The following NEDD4L variants were observed in gnomAD, a reference collection of about 807,000 sequenced individuals.
NEDD4L encodes NEDD4 like E3 ubiquitin protein ligase, also known as E3 ubiquitin-protein ligase NEDD4-like.
Under a neutral mutation model 148.9 loss-of-function variants are expected in NEDD4L, and 54 were observed. That is an observed-to-expected ratio of 0.36 (90% CI 0.29 to 0.45). The LOEUF is 0.45. Among genes scored for constraint, NEDD4L ranks in the 20% least tolerant of loss-of-function variants. The pLI, the probability that NEDD4L is intolerant of heterozygous loss-of-function variation, is 1.00. For synonymous variants in NEDD4L, 433 were observed against 440.7 expected, an observed-to-expected ratio of 0.98 and a Z score of 0.22; for missense variants, 856 against 1,233.8, an observed-to-expected ratio of 0.69 and a Z score of 4.59.
intron 1 of NEDD4L, among the ~76,000 whole-genome samples, chr18:58,159,196 G>T (rs1373660518): frequency 6.6e-6 from 1 of 152,020 alleles, no homozygotes; most frequent in Non-Finnish European, 1.5e-5. Context: ...GGTGTGTGGG[G>T]TGGGGACGCA....
At chr18:58,095,205 G>A (rs2084312089) in intron 1 of NEDD4L, among the ~76,000 whole-genome samples, 1 of 152,326 alleles carries the variant, frequency 6.6e-6, no homozygotes, top group Middle Eastern at 3.4e-3. Flanking sequence ...TGCCTGGGCT[G>A]CTTAGTATTT....
chr18:58,234,102 T>TCTC (rs2045650253), intron 2 of NEDD4L, among the ~76,000 whole-genome samples: 3 of 76,928 alleles, frequency 3.9e-5, no homozygotes, highest in Admixed American at 1.3e-4. Context: ...TCTTTCTTTC[T>TCTC]TTTCTTTTCT....
intron 1 of NEDD4L, among the ~76,000 whole-genome samples, chr18:58,147,478 G>A (rs895965968): frequency 6.6e-6 from 1 of 152,188 alleles, no homozygotes; most frequent in Non-Finnish European, 1.5e-5. Context: ...TCTAGCCTCT[G>A]CTGCTTAGAG....
intron 4 of NEDD4L, among the ~76,000 whole-genome samples, chr18:58,250,869 T>C (rs2047841565): frequency 6.6e-6 from 1 of 152,110 alleles, no homozygotes; most frequent in South Asian, 2.1e-4. Flanking sequence ...GTCACACATG[T>C]GGTTGGTGCT....
At chr18:58,369,950 C>T (rs1316950242) in intron 22 of NEDD4L, among the ~76,000 whole-genome samples, 2 of 152,226 alleles carry the variant, frequency 1.3e-5, no homozygotes, top group African/African-American at 4.8e-5. Flanking sequence ...CTTTCACTGA[C>T]TCCCCACTGC....
intron 2 of NEDD4L, among the ~76,000 whole-genome samples, chr18:58,181,545 C>G (rs184037738): frequency 2.0e-5 from 3 of 152,082 alleles, no homozygotes; most frequent in Non-Finnish European, 4.4e-5. Flanking sequence ...AACCTTCCCA[C>G]GTTAGACTCC....
intron 21 of NEDD4L, chr18:58,367,344 AGC>A: frequency 1.8e-5 from 3 of 169,494 alleles, no homozygotes; most frequent in Admixed American, 5.8e-5. Context: ...CTTATGGCCA[AGC>A]CAAAAGCCTC....
chr18:58,187,072 T>TGGAGAAGGCCACTCAGTA (rs2039557474), intron 2 of NEDD4L, among the ~76,000 whole-genome samples: 1 of 152,180 alleles, frequency 6.6e-6, no homozygotes, highest in Admixed American at 6.5e-5. Flanking sequence ...CAGCAGGCAG[T>TGGAGAAGGCCACTCAGTA]GGAGAAGGCC....
chr18:58,308,371 G>A (rs777831864), intron 5 of NEDD4L, among the ~76,000 whole-genome samples: 1 of 152,198 alleles, frequency 6.6e-6, no homozygotes, highest in Non-Finnish European at 1.5e-5. Flanking sequence ...AAATAGAATA[G>A]CCTTCTAAGA....
At chr18:58,067,456 A>T (rs891128889) in intron 1 of NEDD4L, among the ~76,000 whole-genome samples, 1 of 152,070 alleles carries the variant, frequency 6.6e-6, no homozygotes, top group Non-Finnish European at 1.5e-5. Context: ...AGCTAATTTG[A>T]CATTTTCTGC....
intron 30 of NEDD4L, among the ~76,000 whole-genome samples, chr18:58,392,086 C>G (rs747628721): frequency 3.3e-5 from 5 of 152,212 alleles, no homozygotes; most frequent in Non-Finnish European, 7.3e-5. Flanking sequence ...GCGTGGCTGC[C>G]CTCAGAAGGC....
chr18:58,335,394 C>T (rs944906768), intron 12 of NEDD4L, 84 bp from the exon 13 acceptor site: 12 of 1,109,374 alleles, frequency 1.1e-5, no homozygotes, highest in African/African-American at 6.1e-5. Flanking sequence ...TGCCTTACAG[C>T]GCTGCCACAG....
intron 1 of NEDD4L, among the ~76,000 whole-genome samples, chr18:58,102,335 G>A (rs148923489): frequency 1.3e-3 from 203 of 152,130 alleles, no homozygotes; most frequent in African/African-American, 4.5e-3. Context: ...CTACTATAAC[G>A]GCTCACTTTC....
chr18:58,333,917 T>A (rs563752329), intron 12 of NEDD4L, 25 bp downstream of exon 12: 1 of 1,563,948 alleles, frequency 6.4e-7, no homozygotes, highest in African/African-American at 1.4e-5. Flanking sequence ...TTTCCAGTCA[T>A]CAGTTGACTT....
chr18:58,256,541 C>T lies in NEDD4L; in HGVS notation c.297+4487C>T, dbSNP rs537368877. On this transcript the variant is annotated intron_variant, in intron 5 of 30. Transcript: ENST00000400345. The surrounding 1 kb of genome is among the most constrained non-coding windows in gnomAD (Gnocchi z 5.2). ...CGAGCGAGGGAGCCCCACGGAAGATCGGGGAGCCCTGGAGGCATCGCCTCG... is the reference window on the plus strand; with the variant it reads ...CGAGCGAGGGAGCCCCACGGAAGATTGGGGAGCCCTGGAGGCATCGCCTCG... The T allele has an allele frequency of 2.0e-5, 25 of 1,232,302 alleles. No individual in the cohort carries two copies. In the South Asian group the frequency reaches 8.6e-4, roughly 43 times the overall value. 76.3% of individuals were successfully genotyped at this position (1,232,302 alleles called of 1,614,324 possible). A position where few individuals can be genotyped will look rare whatever the true frequency, so the allele number is the denominator to read the frequency against.
intron 2 of NEDD4L, among the ~76,000 whole-genome samples, chr18:58,191,384 T>C (rs1312509256): frequency 6.6e-6 from 1 of 152,164 alleles, no homozygotes; most frequent in Non-Finnish European, 1.5e-5. Context: ...TGAAGCTTGT[T>C]CAGAATTGTG....
intron 30 of NEDD4L, among the ~76,000 whole-genome samples, chr18:58,394,758 C>T (rs574089475): frequency 1.3e-5 from 2 of 152,330 alleles, no homozygotes; most frequent in East Asian, 1.9e-4. Context: ...CGGCCCTCTA[C>T]GGTATGTGTT....
intron 1 of NEDD4L, 136 bp downstream of exon 1, chr18:58,044,844 G>T: frequency 9.1e-7 from 1 of 1,103,924 alleles, no homozygotes; most frequent in South Asian, 2.0e-5. Context: ...GGAGCGCCCC[G>T]GAGCGGGATC....
chr18:58,163,291 A>G (rs1205125430), intron 1 of NEDD4L, among the ~76,000 whole-genome samples: 1 of 152,208 alleles, frequency 6.6e-6, no homozygotes, highest in African/African-American at 2.4e-5. Context: ...TGAGCAGGCC[A>G]TGGAGGCATC....
Sources: allele counts gnomAD v4.1 joint callset (sites outside exome capture counted in the v4.1 genomes callset), GRCh38; gene constraint gnomAD v4.1.1; non-coding constraint Gnocchi (gnomAD v3.1); transcripts MANE v1.5; gene names NCBI Gene and HGNC (gene_info 2026-07-23, HGNC 2026-07-21).